Variants in AGO1 observed in about 807,000 individuals in gnomAD.
AGO1 encodes argonaute RISC component 1.
AGO1 carries 11 observed loss-of-function variants against 109.2 expected under a neutral mutation model. The ratio of observed to expected loss-of-function variants is 0.10; its 90% confidence interval spans 0.06 to 0.17. The LOEUF (loss-of-function observed/expected upper bound fraction) is 0.17, where lower values mean the gene tolerates loss of function less well. Ranked by LOEUF, AGO1 falls within the 10% of genes least tolerant of loss-of-function variation. The pLI is 1.00. For missense variants in AGO1, 574 were observed against 1,140.3 expected (o/e 0.50, Z 7.15); for synonymous variants, 422 against 418.6 (o/e 1.01, Z -0.10).
At position 35,913,664 on chromosome 1, in the gene AGO1, G is replaced by A. The variant is rs763657409; in HGVS notation, c.1583-178G>A. On this transcript the variant is annotated intron_variant, in intron 12 of 18. Transcript: ENST00000373204. ...GTTTTCTGTTGTGTCATTTATCAGC[G>A]TTGTAATTTTCACGATTTTTAAAAT... Among the ~76,000 whole-genome samples, 116 of 152,028 alleles carry A rather than the reference G, an allele frequency of 7.6e-4. 2 individuals are homozygous for A. Among genetic ancestry groups the A allele is most frequent in the African/African-American group, 4.3e-4 (18 of 41,408 alleles).
intron 1 of AGO1, among the ~76,000 whole-genome samples, chr1:35,875,286 C>T (rs531782633): frequency 9.2e-4 from 140 of 152,200 alleles, no homozygotes; most frequent in Non-Finnish European, 1.5e-3. Context: ...ACCAGTCCTC[C>T]GTTACCATTA....
Position 35,914,000 on chromosome 1 carries a change from C to T in AGO1, c.1741C>T (p.Arg581Cys), listed in dbSNP as rs1645688704. The T allele has an allele frequency of 3.1e-6, 5 of 1,613,922 alleles. No homozygotes were observed. Among genetic ancestry groups the T allele is most frequent in the Non-Finnish European group, 4.2e-6 (5 of 1,179,934 alleles). Residue 581 changes from arginine (R) to cysteine (C), a missense_variant and splice_region_variant, in exon 13 of 19, where the codon CGC becomes TGC. Physicochemically the swap from Arg to Cys is radical, Grantham distance 180. Around this residue, in one of 8 missense-constraint regions of AGO1, gnomAD observed 68 missense variants for 200.2 expected, o/e 0.34. Transcript: ENST00000373204. ...TAACAACATCCTAGTCCCACACCAG[C>T]GGTATGAACTCTGTTGTCCACTTGC... ...GINNILVPHQ[R>C]SAVFQQPVIF...
chr1:35,871,241 T>A (rs1043524446), intron 1 of AGO1, among the ~76,000 whole-genome samples: 1 of 152,088 alleles, frequency 6.6e-6, no homozygotes, highest in African/African-American at 2.4e-5. Context: ...GTCTTTGTAT[T>A]TTCCTTATAA....
chr1:35,894,824 T>C (rs2148712105), intron 7 of AGO1, among the ~76,000 whole-genome samples: 1 of 152,342 alleles, frequency 6.6e-6, no homozygotes, highest in South Asian at 2.1e-4. Flanking sequence ...TGTGTCAGGC[T>C]TTATGCTCAA....
chr1:35,891,572 AT>A (rs1263057506), intron 2 of AGO1, among the ~76,000 whole-genome samples: 6 of 148,440 alleles, frequency 4.0e-5, no homozygotes, highest in African/African-American at 7.4e-5. Flanking sequence ...TTTATTTTTT[AT>A]TTTTTTTTTG....
chr1:35,898,501 C>T (rs1167045812), intron 8 of AGO1, among the ~76,000 whole-genome samples: 2 of 152,090 alleles, frequency 1.3e-5, no homozygotes, highest in Non-Finnish European at 2.9e-5. Context: ...ATGATCCGCC[C>T]GCCTCAGCCT....
At position 35,894,126 on chromosome 1, in the gene AGO1, C is replaced by A. The variant is rs1422475379; in HGVS notation, c.739C>A (p.Pro247Thr). 3 of 1,588,458 alleles carry A rather than the reference C, an allele frequency of 1.9e-6. No homozygotes were observed. Among genetic ancestry groups the A allele is most frequent in the South Asian group, 1.2e-5 (1 of 86,878 alleles). Residue 247 changes from proline (P) to threonine (T), a missense_variant, in exon 6 of 19, where the codon CCC becomes ACC. By Grantham distance (38) the Pro-to-Thr change is conservative. Around this residue, in one of 8 missense-constraint regions of AGO1, gnomAD observed 129 missense variants for 243.0 expected, o/e 0.53. Coordinates refer to ENST00000373204, the MANE Select transcript of AGO1 (RefSeq NM_012199.5). ...DIRNIDEQPK[P>T]LTDSQRVRFT... ...CAGGAACATAGATGAGCAGCCCAAG[C>A]CCCTCACGGACTCTCAGCGCGTTCG...
intron 12 of AGO1, among the ~76,000 whole-genome samples, chr1:35,908,929 G>A (rs1034859755): frequency 1.3e-5 from 2 of 149,466 alleles, no homozygotes; most frequent in African/African-American, 4.9e-5. Context: ...AGTGATTCTC[G>A]TGCCTCAGCC....
At chr1:35,890,277 C>T (rs1176467513) in intron 2 of AGO1, among the ~76,000 whole-genome samples, 1 of 152,142 alleles carries the variant, frequency 6.6e-6, no homozygotes, top group Non-Finnish European at 1.5e-5. Flanking sequence ...CCCGCCTCAG[C>T]CTTCCAAAGT....
Position 35,926,923 on chromosome 1 carries a change from G to C in AGO1, c.*7316G>C, listed in dbSNP as rs901047433. The C allele has an allele frequency of 1.3e-5, 2 of 150,354 alleles. No homozygotes were observed. Among genetic ancestry groups the C allele is most frequent in the Admixed American group, 1.3e-4 (2 of 15,004 alleles). 9.3% of individuals were successfully genotyped at this position (150,354 alleles called of 1,614,324 possible). The stretch of plus-strand genomic sequence containing the variant: ...GTAGCATCTTCACCACCATCCTCTT[G>C]GCAATGGTTTTTTGTTTGGGGTTTT... On this transcript the variant is annotated 3_prime_UTR_variant, in exon 19 of 19. Coordinates refer to ENST00000373204, the MANE Select transcript of AGO1 (RefSeq NM_012199.5).
rs1164437890 is a variant in AGO1, at chr1:35,895,078, A to ACTTCTGGGTT, written c.873-44_873-43insCTTCTGGGTT. The ACTTCTGGGTT allele has an allele frequency of 2.6e-6, 4 of 1,567,800 alleles. No individual in the cohort carries two copies. In the African/African-American group the frequency reaches 5.5e-5, roughly 22 times the overall value. On this transcript the variant is annotated intron_variant, in intron 7 of 18. Coordinates refer to ENST00000373204, the MANE Select transcript of AGO1 (RefSeq NM_012199.5). Reference sequence around the variant, plus strand: ...TTGTGGGTCTAGAGAAGTGGGACTGAATGCTGGGTTATGACACCCCCTTCC... The same window carrying ACTTCTGGGTT: ...TTGTGGGTCTAGAGAAGTGGGACTGACTTCTGGGTTATGCTGGGTTATGACACCCCCTTCC...
rs768570932 is a variant in AGO1, at chr1:35,895,095, C to A, written c.873-27C>A. ...TGGGACTGAATGCTGGGTTATGACA[C>A]CCCCTTCCTTCCCTTCTTCTGAACA... On this transcript the variant is annotated intron_variant, in intron 7 of 18. Transcript: ENST00000373204. 3 of 1,591,016 alleles carry A rather than the reference C, an allele frequency of 1.9e-6. 1 individual carries two copies. In the South Asian group the frequency reaches 3.4e-5, roughly 18 times the overall value.
rs945694295 is a variant in AGO1, at chr1:35,906,950, G to A, written c.1413G>A (p.Gln471=). Residue 471 remains glutamine, a synonymous_variant, in exon 12 of 19, where the codon CAG becomes CAA. Coordinates refer to ENST00000373204, the MANE Select transcript of AGO1 (RefSeq NM_012199.5). ...GTGTGTACAGGAACTTCACAGACCA[G>A]CTGCGGAAGATTTCCAAGGATGCGG... ...REEVLKNFTD[Q]LRKISKDAGM... is the part of the protein sequence containing the mutation. 1 of 1,612,926 alleles carries A rather than the reference G, an allele frequency of 6.2e-7. No homozygotes were observed. The highest frequency in any genetic ancestry group is 1.7e-5 in the Admixed American group (1 of 59,984).
rs776166589 is a variant in AGO1 at position 35,883,439 on chromosome 1, G to C, written c.18G>C (p.Ser6=). 18 of 1,569,256 alleles carry C rather than the reference G, an allele frequency of 1.1e-5. No homozygotes were observed. Among genetic ancestry groups the C allele is most frequent in the Admixed American group, 1.9e-5 (1 of 52,708 alleles). MEAGP[S]GAAAGAYLPP... ...TATATGGGATGGAAGCGGGACCCTC[G>C]GGAGCAGGTAAGGGTCCCCAGGAGG... Residue 6 remains serine (S), a synonymous_variant, in exon 1 of 19, where the codon TCG becomes TCC. Transcript: ENST00000373204. This position sits in a 1 kb window ranked among gnomAD's most constrained non-coding sequence, Gnocchi z 5.4.
intron 8 of AGO1, among the ~76,000 whole-genome samples, chr1:35,895,932 A>G (rs1035638748): frequency 8.5e-5 from 13 of 152,240 alleles, no homozygotes; most frequent in African/African-American, 3.1e-4. Flanking sequence ...GTGTACCAAT[A>G]GGATAGGCAT....
Sources: allele counts gnomAD v4.1 joint callset (sites outside exome capture counted in the v4.1 genomes callset), GRCh38; gene constraint gnomAD v4.1.1; regional missense constraint gnomAD v4.1.1; non-coding constraint Gnocchi (gnomAD v3.1); transcripts MANE v1.5; gene names NCBI Gene and HGNC (gene_info 2026-07-23, HGNC 2026-07-21).